Variants in RBFOX3 observed in about 807,000 individuals in gnomAD.
RBFOX3 encodes the protein RNA binding protein fox-1 homolog 3.
A neutral mutation model predicts 48.7 loss-of-function variants in RBFOX3; 17 were observed. That is an observed-to-expected ratio of 0.35 (90% CI 0.24 to 0.52). The LOEUF (loss-of-function observed/expected upper bound fraction) is 0.52, where lower values mean the gene tolerates loss of function less well. Ranked by LOEUF, RBFOX3 falls within the 20% of genes least tolerant of loss-of-function variation. RBFOX3 has a pLI of 0.94. For synonymous variants in RBFOX3, 212 were observed against 209.5 expected (o/e 1.01, Z -0.10); for missense variants, 382 against 497.5 (o/e 0.77, Z 2.21).
intron 2 of RBFOX3, among the ~76,000 whole-genome samples, chr17:79,377,579 C>T (rs1359592306): frequency 2.6e-5 from 4 of 152,208 alleles, no homozygotes; most frequent in Admixed American, 6.5e-5. Context: ...TGGTAGGACG[C>T]AGAGCTGCAC....
intron 5 of RBFOX3, among the ~76,000 whole-genome samples, chr17:79,107,153 G>A (rs2077538436): frequency 6.6e-6 from 1 of 152,208 alleles, no homozygotes; most frequent in African/African-American, 2.4e-5. Context: ...ACATCTCAAG[G>A]CAGTTCTGGG....
At chr17:79,216,899 C>T (rs1016544630) in intron 4 of RBFOX3, among the ~76,000 whole-genome samples, 15 of 152,274 alleles carry the variant, frequency 9.9e-5, no homozygotes, top group Admixed American at 9.8e-4. Flanking sequence ...GCCATTGAGC[C>T]CACTGCCCAG....
At chr17:79,374,057 TTCGCCATGTTGGCCAGGCTGGTC>T (rs2058913024) in intron 2 of RBFOX3, among the ~76,000 whole-genome samples, 1 of 152,154 alleles carries the variant, frequency 6.6e-6, no homozygotes, top group Non-Finnish European at 1.5e-5. Flanking sequence ...GAGACGGGGT[TTCGCCATGTTGGCCAGGCTGGTC>T]TCGCACTCCT....
chr17:79,566,397 G>A (rs2092456203), intron 1 of RBFOX3, among the ~76,000 whole-genome samples: 1 of 152,158 alleles, frequency 6.6e-6, no homozygotes, highest in African/African-American at 2.4e-5. Context: ...CCATGGTCCT[G>A]CAGCTCCAGG....
At chr17:79,409,775 G>T (rs1010661355) in intron 2 of RBFOX3, among the ~76,000 whole-genome samples, 35 of 152,340 alleles carry the variant, frequency 2.3e-4, no homozygotes, top group South Asian at 8.3e-4. Flanking sequence ...AGTGCCATGG[G>T]GTCAGGCTGG....
At chr17:79,581,091 CA>C (rs1186524256) in intron 1 of RBFOX3, among the ~76,000 whole-genome samples, 1 of 151,914 alleles carries the variant, frequency 6.6e-6, no homozygotes, top group African/African-American at 2.4e-5. Context: ...ACTAAAAATA[CA>C]AAAAAATTAG....
At chr17:79,492,964 A>G (rs2080910298) in intron 1 of RBFOX3, among the ~76,000 whole-genome samples, 1 of 152,168 alleles carries the variant, frequency 6.6e-6, no homozygotes, top group African/African-American at 2.4e-5. Flanking sequence ...TGAGAGGTCT[A>G]TTAGGCTGTT....
chr17:79,101,683 T>A, intron 8 of RBFOX3, 39 bp from the exon 9 acceptor site: 1 of 1,538,164 alleles, frequency 6.5e-7, no homozygotes, highest in Non-Finnish European at 8.8e-7. Flanking sequence ...AGAGGGAGGA[T>A]TAGCCTCCTG....
the RBFOX3 span, among the ~76,000 whole-genome samples, chr17:79,655,633 C>G: frequency 6.1e-3 from 926 of 152,306 alleles, 12 homozygotes; most frequent in African/African-American, 0.021. Context: ...CCTTTTGCTT[C>G]CAAAACACCC....
chr17:79,265,527 G>T (rs182802345), intron 3 of RBFOX3, among the ~76,000 whole-genome samples: 8 of 152,308 alleles, frequency 5.3e-5, no homozygotes, highest in Admixed American at 5.2e-4. Context: ...ACTTTTTAGA[G>T]CACTCTGGAG....
the RBFOX3 span, among the ~76,000 whole-genome samples, chr17:79,626,136 A>T: frequency 2.0e-5 from 3 of 152,158 alleles, no homozygotes; most frequent in African/African-American, 7.2e-5. Context: ...GTGGGAGAAC[A>T]CAGGAAGTGG....
At chr17:79,132,007 C>A (rs2039030092) in intron 4 of RBFOX3, among the ~76,000 whole-genome samples, 2 of 152,172 alleles carry the variant, frequency 1.3e-5, no homozygotes, top group Non-Finnish European at 2.9e-5. Context: ...TCTTCTCCCA[C>A]CAGCTTCACC....
chr17:79,231,736 A>T (rs1159381553), intron 4 of RBFOX3, among the ~76,000 whole-genome samples: 1 of 152,244 alleles, frequency 6.6e-6, no homozygotes, highest in Non-Finnish European at 1.5e-5. Flanking sequence ...CTAAGAAAAG[A>T]TGTTCAATAT....
At chr17:79,656,810 AGAAAGAG>A in the RBFOX3 span, among the ~76,000 whole-genome samples, 2 of 73,848 alleles carry the variant, frequency 2.7e-5, no homozygotes, top group South Asian at 9.1e-4. Context: ...AAGAAAGAAA[AGAAAGAG>A]AAAGAAAGAA....
intron 1 of RBFOX3, among the ~76,000 whole-genome samples, chr17:79,518,933 T>A (rs1050768882): frequency 6.6e-6 from 1 of 152,082 alleles, no homozygotes; most frequent in Non-Finnish European, 1.5e-5. Context: ...TTCCTCCAAA[T>A]GAAGGGAGGG....
rs77328489 is a variant in RBFOX3 at position 79,158,029 on chromosome 17, A to G, written c.-33-42281T>C. Among the ~76,000 whole-genome samples the G allele has an allele frequency of 7.1e-3, 1,074 of 152,230 alleles. 6 individuals are homozygous for G. Among genetic ancestry groups the G allele is most frequent in the South Asian group, 0.022 (105 of 4,812 alleles). On this transcript the variant is annotated intron_variant, in intron 4 of 14. Coordinates refer to ENST00000693108, the MANE Select transcript of RBFOX3 (RefSeq NM_001350451.2). ...GGCTGTGCGTGGAGACGGGACCTTT[A>G]AAGAGGTGATTACATTACACTGGGG... is the stretch of plus-strand genomic sequence containing the variant.
intron 1 of RBFOX3, among the ~76,000 whole-genome samples, chr17:79,559,367 G>A (rs1170701293): frequency 1.3e-5 from 2 of 151,428 alleles, no homozygotes; most frequent in South Asian, 4.2e-4. Context: ...GGGTGGATGG[G>A]ATGGATGATT....
At chr17:79,650,222 C>T in the RBFOX3 span, among the ~76,000 whole-genome samples, 1 of 152,142 alleles carries the variant, frequency 6.6e-6, no homozygotes, top group Admixed American at 6.5e-5. Context: ...TTTTCCACTC[C>T]TTTCTCTCTC....
chr17:79,315,957 G>T (rs1033081581), intron 2 of RBFOX3, among the ~76,000 whole-genome samples: 3 of 152,142 alleles, frequency 2.0e-5, no homozygotes, highest in Non-Finnish European at 4.4e-5. Context: ...GGGTGGGTCC[G>T]CCAGCAGCTC....
Sources: allele counts gnomAD v4.1 joint callset (sites outside exome capture counted in the v4.1 genomes callset), GRCh38; gene constraint gnomAD v4.1.1; transcripts MANE v1.5; gene names NCBI Gene and HGNC (gene_info 2026-07-23, HGNC 2026-07-21).